The following MTUS2 variants were observed in gnomAD, a reference collection of about 807,000 sequenced individuals.
MTUS2 encodes the protein microtubule-associated tumor suppressor candidate 2.
In MTUS2, 40 loss-of-function variants were observed where a neutral mutation model predicts 114.1. The ratio of observed to expected loss-of-function variants is 0.35; its 90% CI spans 0.27 to 0.46. MTUS2 has a LOEUF of 0.46. Among genes scored for constraint, MTUS2 ranks in the 20% least tolerant of loss-of-function variants. The pLI, the probability that MTUS2 is intolerant of heterozygous loss-of-function variation, is 1.00. For missense variants in MTUS2, 1,679 were observed against 1,705.4 expected, an observed-to-expected ratio of 0.98 and a Z score of 0.27; for synonymous variants, 688 against 672.0, an observed-to-expected ratio of 1.02 and a Z score of -0.37.
intron 2 of MTUS2, among the ~76,000 whole-genome samples, chr13:28,888,729 G>A (rs918475023): frequency 1.3e-5 from 2 of 152,086 alleles, no homozygotes; most frequent in Non-Finnish European, 2.9e-5. Context: ...GCTCCTCTTG[G>A]CATCTTAATC....
chr13:28,973,343 G>T (rs547431768), intron 2 of MTUS2, among the ~76,000 whole-genome samples: 19 of 152,096 alleles, frequency 1.2e-4, no homozygotes, highest in Non-Finnish European at 2.2e-4. Context: ...ATATTATAAG[G>T]GTAAGTTTTG....
chr13:29,213,412 G>A (rs1327544049), intron 5 of MTUS2, among the ~76,000 whole-genome samples: 1 of 152,176 alleles, frequency 6.6e-6, no homozygotes, highest in Non-Finnish European at 1.5e-5. Flanking sequence ...CTCTCTATAT[G>A]TTCTTTCAGT....
intron 1 of MTUS2, among the ~76,000 whole-genome samples, chr13:28,826,731 A>G (rs959258917): frequency 5.3e-5 from 8 of 152,220 alleles, no homozygotes; most frequent in African/African-American, 1.9e-4. Flanking sequence ...GCTGATATTG[A>G]TACACTGATT....
At chr13:29,123,084 G>A (rs1393440579) in intron 5 of MTUS2, among the ~76,000 whole-genome samples, 21 of 152,096 alleles carry the variant, frequency 1.4e-4, no homozygotes, top group Non-Finnish European at 7.4e-5. Context: ...TATCCCTGAC[G>A]TTTCTATGCT....
intron 2 of MTUS2, among the ~76,000 whole-genome samples, chr13:28,961,664 A>C (rs943074074): frequency 6.6e-6 from 1 of 152,286 alleles, no homozygotes; most frequent in African/African-American, 2.4e-5. Flanking sequence ...AATTTTGTCA[A>C]GTTTTTCATG....
intron 5 of MTUS2, among the ~76,000 whole-genome samples, chr13:29,150,032 G>GT (rs889256653): frequency 4.6e-5 from 7 of 152,180 alleles, no homozygotes; most frequent in Admixed American, 4.6e-4. Flanking sequence ...TTTTAAAATA[G>GT]TTTTTTCTAA....
At chr13:29,346,609 A>AAGCAAGCGGGGCTTTC (rs200334533) in intron 7 of MTUS2, among the ~76,000 whole-genome samples, 1 of 34,178 alleles carries the variant, frequency 2.9e-5, no homozygotes, top group Admixed American at 4.6e-4. Context: ...CCTGCTGAGA[A>AAGCAAGCGGGGCTTTC]AGGTTTCACG....
chr13:29,110,475 A>G (rs186252465), intron 5 of MTUS2, among the ~76,000 whole-genome samples: 1 of 152,340 alleles, frequency 6.6e-6, no homozygotes, highest in East Asian at 1.9e-4. Flanking sequence ...AAGTCAAACA[A>G]ATGTCACTAA....
rs552246032 is a variant in MTUS2 at position 29,364,108 on chromosome 13, A to G, written c.3117+4635A>G. The stretch of plus-strand genomic sequence containing the variant: ...ACAATCATCAAGGTGCTTTTTATGT[A>G]TTAAGGGGGGAAACGCACAATTGCA... On this transcript the variant is annotated intron_variant, in intron 8 of 15. Transcript: ENST00000612955. Among the ~76,000 whole-genome samples, 4 of 152,288 alleles carry G rather than the reference A, an allele frequency of 2.6e-5. No individual in the cohort carries two copies. In the East Asian group the frequency reaches 5.8e-4, roughly 22 times the overall value.
At chr13:29,353,390 A>G (rs576781505) in intron 7 of MTUS2, among the ~76,000 whole-genome samples, 1 of 152,148 alleles carries the variant, frequency 6.6e-6, no homozygotes, top group East Asian at 1.9e-4. Flanking sequence ...AGGGTCGTCA[A>G]CCCTGGCTCA....
intron 5 of MTUS2, among the ~76,000 whole-genome samples, chr13:29,170,337 A>G (rs908597547): frequency 6.6e-6 from 1 of 152,238 alleles, no homozygotes; most frequent in Non-Finnish European, 1.5e-5. Flanking sequence ...CTTTACCCTC[A>G]TGAGAACTAG....
intron 2 of MTUS2, among the ~76,000 whole-genome samples, chr13:28,945,262 G>T (rs527805968): frequency 1.3e-5 from 2 of 149,938 alleles, no homozygotes; most frequent in South Asian, 4.3e-4. Flanking sequence ...CTTTGCTATT[G>T]TGAATAGTGC....
chr13:29,210,602 G>A lies in MTUS2; in HGVS notation c.2645-71102G>A, dbSNP rs553336296. On this transcript the variant is annotated intron_variant, in intron 5 of 15. Transcript: ENST00000612955. ...GGCTCAAGGGCTGTTGTTCAGATTC[G>A]TTTGTCCCACAGGGTGCTCGCTTTA... is the stretch of plus-strand genomic sequence containing the variant. Among the ~76,000 whole-genome samples, 8 of 152,296 alleles carry A rather than the reference G, an allele frequency of 5.3e-5. No homozygotes were observed. The South Asian group carries it at 8.3e-4, about 16-fold the overall frequency.
chr13:28,828,984 A>T (rs1390718724), intron 1 of MTUS2, among the ~76,000 whole-genome samples: 3 of 152,182 alleles, frequency 2.0e-5, no homozygotes, highest in Non-Finnish European at 2.9e-5. Context: ...TTTATCTTGG[A>T]ACACATCTGA....
At chr13:29,031,066 G>A (rs2138508908) in intron 3 of MTUS2, among the ~76,000 whole-genome samples, 1 of 152,140 alleles carries the variant, frequency 6.6e-6, no homozygotes, top group South Asian at 2.1e-4. Flanking sequence ...TTTTATTTTT[G>A]GTAAAGGGAG....
intron 7 of MTUS2, among the ~76,000 whole-genome samples, chr13:29,327,620 T>G (rs1443253304): frequency 6.6e-6 from 1 of 152,154 alleles, no homozygotes; most frequent in African/African-American, 2.4e-5. Context: ...TTTATTTACT[T>G]GTTGATGGAA....
intron 6 of MTUS2, among the ~76,000 whole-genome samples, chr13:29,305,786 A>G (rs781289318): frequency 3.9e-5 from 6 of 152,238 alleles, no homozygotes; most frequent in East Asian, 1.9e-4. Context: ...AACTCATTCT[A>G]TGAGGCCAGC....
intron 2 of MTUS2, among the ~76,000 whole-genome samples, chr13:28,898,064 TTGAAG>T (rs1879395881): frequency 6.6e-6 from 1 of 150,718 alleles, no homozygotes; most frequent in South Asian, 2.1e-4. Context: ...AAAGAACAGG[TTGAAG>T]TTTTGTTTGG....
intron 5 of MTUS2, among the ~76,000 whole-genome samples, chr13:29,138,989 T>G (rs1159779510): frequency 6.6e-6 from 1 of 152,080 alleles, no homozygotes; most frequent in Non-Finnish European, 1.5e-5. Flanking sequence ...CCCAGTGATA[T>G]GGAGTAAGTA....
Sources: allele counts gnomAD v4.1 joint callset (sites outside exome capture counted in the v4.1 genomes callset), GRCh38; gene constraint gnomAD v4.1.1; transcripts MANE v1.5; gene names NCBI Gene and HGNC (gene_info 2026-07-23, HGNC 2026-07-21).